Variants in TOP3A observed in about 807,000 individuals in gnomAD.
TOP3A encodes DNA topoisomerase III alpha.
Under a neutral mutation model 111.3 loss-of-function variants are expected in TOP3A, and 64 were observed. That is an observed-to-expected ratio of 0.57 (90% CI 0.47 to 0.71). The LOEUF is 0.71. Ranked by LOEUF, TOP3A falls within the 30% of genes least tolerant of loss-of-function variation. The pLI, the probability that TOP3A is intolerant of heterozygous loss-of-function variation, is 0.00. For missense variants in TOP3A, 1,104 were observed against 1,285.0 expected (o/e 0.86, Z 2.15); for synonymous variants, 484 against 485.1 (o/e 1.00, Z 0.03).
intron 4 of TOP3A, among the ~76,000 whole-genome samples, chr17:18,306,292 G>A (rs1461233719): frequency 6.6e-6 from 1 of 152,180 alleles, no homozygotes; most frequent in Non-Finnish European, 1.5e-5. Context: ...CTGTCAAACA[G>A]GCATTTATAC....
chr17:18,307,028 T>C (rs1175782488), intron 3 of TOP3A, 62 bp from the exon 4 acceptor site: 3 of 1,234,440 alleles, frequency 2.4e-6, no homozygotes, highest in Admixed American at 1.8e-5. Flanking sequence ...TCCAATCTAA[T>C]GACAGCAAAC....
At chr17:18,292,179 G>T (rs1467105322) in intron 11 of TOP3A, among the ~76,000 whole-genome samples, 1 of 152,226 alleles carries the variant, frequency 6.6e-6, no homozygotes, top group Non-Finnish European at 1.5e-5. Flanking sequence ...TGTGCCTGCA[G>T]AGCCTGCCCC....
intron 4 of TOP3A, among the ~76,000 whole-genome samples, chr17:18,306,307 T>C (rs1045843497): frequency 2.0e-5 from 3 of 152,224 alleles, no homozygotes; most frequent in African/African-American, 7.2e-5. Context: ...TTATACTTTG[T>C]AGCCTCTTTC....
intron 5 of TOP3A, 67 bp from the exon 6 acceptor site, chr17:18,302,790 C>T (rs1981319065): frequency 6.4e-7 from 1 of 1,552,622 alleles, no homozygotes; most frequent in Non-Finnish European, 8.7e-7. Flanking sequence ...AAAGGACTCA[C>T]TTTTCTTAAA....
chr17:18,290,628 T>C lies in TOP3A; in HGVS notation c.1526A>G (p.Asp509Gly). Residue 509 changes from aspartate (D) to glycine (G), a missense_variant, in exon 13 of 19, where the codon GAC becomes GGC. By Grantham distance (94) the Asp-to-Gly change is moderately conservative. Coordinates refer to ENST00000321105, the MANE Select transcript of TOP3A (RefSeq NM_004618.5). ...CAGCTTGGGTGGGCTGGTCTCCCCG[T>C]CCACCATCTCCACGGTGCTGGGCTG... is the stretch of plus-strand genomic sequence containing the variant. ...HFQPSTVEMV[D>G]GETSPPKLLT... The C allele has an allele frequency of 6.2e-7, 1 of 1,611,536 alleles. No homozygotes were observed. Among genetic ancestry groups the C allele is most frequent in the Non-Finnish European group, 8.5e-7 (1 of 1,178,360 alleles).
intron 13 of TOP3A, among the ~76,000 whole-genome samples, chr17:18,289,558 G>A (rs1159813177): frequency 5.3e-5 from 8 of 152,136 alleles, no homozygotes; most frequent in Admixed American, 3.3e-4. Flanking sequence ...GATTACAGGC[G>A]TGAGCCACTG....
chr17:18,271,997 C>T lies in TOP3A; in HGVS notation c.*2805G>A, dbSNP rs1292051825. Among the ~76,000 whole-genome samples the T allele has an allele frequency of 1.3e-5, 2 of 151,938 alleles. No homozygotes were observed. Among genetic ancestry groups the T allele is most frequent in the Non-Finnish European group, 1.5e-5 (1 of 68,006 alleles). On this transcript the variant is annotated 3_prime_UTR_variant, in exon 19 of 19. Transcript: ENST00000321105. ...AGGAGAACTGCTTGAACCCAGGAGG[C>T]AGAGGTTGCAGTGAGCCAAGATCGC... is the stretch of plus-strand genomic sequence containing the variant.
intron 3 of TOP3A, among the ~76,000 whole-genome samples, chr17:18,307,856 G>C (rs1981673184): frequency 6.9e-6 from 1 of 144,842 alleles, no homozygotes. Flanking sequence ...GTTGCAGTGA[G>C]ACGAGATTGC....
At chr17:18,297,677 G>C (rs951050243) in intron 9 of TOP3A, among the ~76,000 whole-genome samples, 2 of 152,006 alleles carry the variant, frequency 1.3e-5, no homozygotes, top group African/African-American at 2.4e-5. Context: ...CGCCAGCCTC[G>C]GCATCCTGAG....
At chr17:18,309,085 G>C (rs1981757246) in intron 1 of TOP3A, 144 bp from the exon 2 acceptor site, 1 of 474,648 alleles carries the variant, frequency 2.1e-6, no homozygotes. Flanking sequence ...AAGAAGATAA[G>C]AAATGGCCAA....
At chr17:18,301,272 T>C (rs1218597655) in intron 8 of TOP3A, among the ~76,000 whole-genome samples, 1 of 151,956 alleles carries the variant, frequency 6.6e-6, no homozygotes, top group African/African-American at 2.4e-5. Flanking sequence ...TTAGGGTGGG[T>C]CCCAACTCTG....
In TOP3A at chr17:18,314,755, G is replaced by A. The variant is rs747251037; in HGVS notation, c.24C>T (p.Tyr8=). The A allele has an allele frequency of 1.3e-6, 2 of 1,559,264 alleles. No homozygotes were observed. Among genetic ancestry groups the A allele is most frequent in the East Asian group, 2.4e-5 (1 of 41,192 alleles). Residue 8 remains tyrosine (Y), a synonymous_variant, in exon 1 of 19, where the codon TAC becomes TAT. Transcript: ENST00000321105. MIFPVAR[Y]ALRWLRRPED... ...CGGGCCGTCGCAGCCACCGGAGCGC[G>A]TAGCGGGCGACAGGAAAGATCATCC...
rs1979207639 is a variant in TOP3A at position 18,274,543 on chromosome 17, A to T, written c.*259T>A. 2.6e-6 allele frequency: 1 copy of T among 377,682 alleles called. No individual in the cohort carries two copies. Among genetic ancestry groups the T allele is most frequent in the Non-Finnish European group, 4.6e-6 (1 of 217,086 alleles). The allele number at this position is 377,682 out of a possible 1,614,324, so 23.4% of individuals were successfully genotyped here. A position where few individuals can be genotyped will look rare whatever the true frequency, so the allele number is the denominator to read the frequency against. On this transcript the variant is annotated 3_prime_UTR_variant, in exon 19 of 19. Coordinates refer to ENST00000321105, the MANE Select transcript of TOP3A (RefSeq NM_004618.5). ...ACAGCAACCATCCTTGGGGGGTCCG[A>T]GGGAGCAGCTGCGTGACTTTTCAGC... is the stretch of plus-strand genomic sequence containing the variant.
At chr17:18,308,153 T>C (rs1254835678) in intron 3 of TOP3A, among the ~76,000 whole-genome samples, 198 bp downstream of exon 3, 1 of 135,832 alleles carries the variant, frequency 7.4e-6, no homozygotes. Context: ...CAGAGGTTGC[T>C]GTGAGCCGAG....
At chr17:18,278,700 C>G (rs376982748) in intron 17 of TOP3A, among the ~76,000 whole-genome samples, 1 of 152,156 alleles carries the variant, frequency 6.6e-6, no homozygotes, top group African/African-American at 2.4e-5. Context: ...CTTTTATAGG[C>G]CAGGTGTGGT....
chr17:18,274,650 G>C lies in TOP3A; in HGVS notation c.*152C>G. On this transcript the variant is annotated 3_prime_UTR_variant, in exon 19 of 19. Transcript: ENST00000321105. ...CCTGCTCCAGAGTGATCTGGACCTTGTGCCCCTTAACACAAGAAGGCCCGA... is the reference window on the plus strand; with the variant it reads ...CCTGCTCCAGAGTGATCTGGACCTTCTGCCCCTTAACACAAGAAGGCCCGA... The C allele has an allele frequency of 7.6e-7, 1 of 1,309,664 alleles. No homozygotes were observed. The highest frequency in any genetic ancestry group is 1.0e-6 in the Non-Finnish European group (1 of 978,218). The allele number at this position is 1,309,664 out of a possible 1,614,324, so 81.1% of individuals were successfully genotyped here.
intron 15 of TOP3A, among the ~76,000 whole-genome samples, chr17:18,283,902 G>A (rs1007999293): frequency 6.6e-6 from 1 of 152,224 alleles, no homozygotes; most frequent in Non-Finnish European, 1.5e-5. Context: ...GGCAAGGGAT[G>A]TGGGGAAGGG....
chr17:18,294,408 C>A (rs1980666980), intron 10 of TOP3A, among the ~76,000 whole-genome samples: 2 of 152,084 alleles, frequency 1.3e-5, no homozygotes, highest in African/African-American at 4.8e-5. Context: ...CACCTCACTG[C>A]AACCTCCGCC....
intron 9 of TOP3A, among the ~76,000 whole-genome samples, chr17:18,298,496 G>A (rs1981008699): frequency 6.7e-6 from 1 of 149,742 alleles, no homozygotes; most frequent in African/African-American, 2.5e-5. Flanking sequence ...CTGCCCGGCT[G>A]CCCCTACTGG....
Sources: gnomAD v4.1 joint callset for allele counts (sites outside exome capture counted in the v4.1 genomes callset) on GRCh38, gnomAD v4.1.1 for gene constraint, MANE v1.5 for transcripts, NCBI Gene and HGNC (gene_info 2026-07-23, HGNC 2026-07-21) for gene names.